NIPBL: variants seen among roughly 807,000 people sequenced by gnomAD.
The protein encoded by NIPBL is nipped-B-like protein.
NIPBL carries 19 observed loss-of-function variants against 321.8 expected under a neutral mutation model. That is an observed-to-expected ratio of 0.06 (90% confidence interval 0.04 to 0.09). The LOEUF (loss-of-function observed/expected upper bound fraction) is 0.09, where lower values mean the gene tolerates loss of function less well. NIPBL is among the 10% of genes least tolerant of loss of function. NIPBL has a pLI of 1.00. For synonymous variants in NIPBL, 1,106 were observed against 1,114.1 expected, an observed-to-expected ratio of 0.99 and a Z score of 0.14; for missense variants, 2,210 against 3,327.0, an observed-to-expected ratio of 0.66 and a Z score of 8.26.
At chr5:36,922,974 T>G (rs1017185894) in intron 1 of NIPBL, among the ~76,000 whole-genome samples, 4 of 150,916 alleles carry the variant, frequency 2.7e-5, no homozygotes, top group Non-Finnish European at 5.9e-5. Context: ...AGAAAAGATT[T>G]GTTGTAACTA....
At chr5:37,013,393 C>T (rs996644893) in intron 21 of NIPBL, among the ~76,000 whole-genome samples, 22 of 151,692 alleles carry the variant, frequency 1.5e-4, no homozygotes, top group Non-Finnish European at 2.4e-4. Context: ...TGGGCGGAGA[C>T]GCTCCTCACT....
rs528591545 is a variant in NIPBL at position 37,052,400 on chromosome 5, A to G, written c.7097A>G (p.Gln2366Arg). 8 of 1,614,132 alleles carry G rather than the reference A, an allele frequency of 5.0e-6. No homozygotes were observed. The East Asian group carries it at 1.1e-4, about 22-fold the overall frequency. Residue 2366 changes from glutamine to arginine, a missense_variant, in exon 42 of 47, where the codon CAG becomes CGG. Around this residue, in one of 14 missense-constraint regions of NIPBL, gnomAD observed 112 missense variants for 288.3 expected, o/e 0.39. Transcript: ENST00000282516. The part of the protein sequence containing the change: ...KAVAGMKMSY[Q>R]VQQAINTCLK... ...GTGGCTGGTATGAAGATGTCTTACC[A>G]GGTACAACAGGCAATCAACACATGC...
chr5:36,956,616 CTTTTTTT>C (rs34760816), intron 3 of NIPBL, among the ~76,000 whole-genome samples: 1 of 79,476 alleles, frequency 1.3e-5, no homozygotes, highest in African/African-American at 5.3e-5. Context: ...TAAATCACTT[CTTTTTTT>C]TTTTTTTTTT....
At chr5:37,043,678 A>G (rs781303373) in intron 34 of NIPBL, among the ~76,000 whole-genome samples, 1 of 152,222 alleles carries the variant, frequency 6.6e-6, no homozygotes, top group Non-Finnish European at 1.5e-5. Flanking sequence ...AACCTGGGCA[A>G]TTGAGCAAGA....
At chr5:36,968,112 C>CA (rs1248532097) in intron 6 of NIPBL, among the ~76,000 whole-genome samples, 3 of 102,540 alleles carry the variant, frequency 2.9e-5, no homozygotes, top group East Asian at 2.7e-4. Context: ...AAAAAAAAAA[C>CA]AAAAAACAAA....
At chr5:36,898,706 T>C (rs1414962427) in intron 1 of NIPBL, among the ~76,000 whole-genome samples, 5 of 152,100 alleles carry the variant, frequency 3.3e-5, no homozygotes. Context: ...AGATGGGGTT[T>C]CTCCATGTTG....
intron 1 of NIPBL, among the ~76,000 whole-genome samples, chr5:36,884,868 A>G (rs1745772330): frequency 1.3e-5 from 2 of 152,128 alleles, no homozygotes; most frequent in African/African-American, 2.4e-5. Flanking sequence ...ATATATCCCT[A>G]ACAATACATA....
chr5:36,994,793 C>G (rs564406550), intron 10 of NIPBL, among the ~76,000 whole-genome samples: 1 of 151,962 alleles, frequency 6.6e-6, no homozygotes. Flanking sequence ...TTCATAAGAA[C>G]TATTTGTGTA....
chr5:36,952,585 G>A (rs977781053), intron 1 of NIPBL, among the ~76,000 whole-genome samples: 4 of 152,134 alleles, frequency 2.6e-5, no homozygotes, highest in African/African-American at 7.2e-5. Context: ...AAATTTGGGG[G>A]CTTGGAACAG....
At chr5:36,885,180 T>C (rs1745797691) in intron 1 of NIPBL, 1 of 518,512 alleles carries the variant, frequency 1.9e-6, no homozygotes, top group Non-Finnish European at 3.9e-6. Context: ...CTGAGTCCTG[T>C]CCTCTCGCTC....
chr5:36,939,618 A>C (rs1244970814), intron 1 of NIPBL, among the ~76,000 whole-genome samples: 2 of 152,196 alleles, frequency 1.3e-5, no homozygotes, highest in Non-Finnish European at 2.9e-5. Context: ...ATAACAGAAT[A>C]TCTGAGACTG....
intron 30 of NIPBL, 117 bp from the exon 31 acceptor site, chr5:37,026,112 G>A (rs749217874): frequency 1.6e-6 from 1 of 637,660 alleles, no homozygotes; most frequent in South Asian, 1.8e-5. Context: ...GAAATTCCTG[G>A]CAGTTTGTGT....
intron 23 of NIPBL, 56 bp from the exon 24 acceptor site, chr5:37,016,963 C>A (rs1439754533): frequency 1.7e-6 from 2 of 1,145,370 alleles, no homozygotes; most frequent in Admixed American, 2.4e-5. Context: ...TGATAAATTG[C>A]TATTTAAAAT....
intron 11 of NIPBL, among the ~76,000 whole-genome samples, chr5:37,000,025 G>C (rs1746605836): frequency 6.6e-6 from 1 of 152,076 alleles, no homozygotes; most frequent in Non-Finnish European, 1.5e-5. Flanking sequence ...AATATAGTTT[G>C]TTTTACAGCC....
At chr5:37,013,381 G>C (rs1395771899) in intron 21 of NIPBL, among the ~76,000 whole-genome samples, 1 of 152,066 alleles carries the variant, frequency 6.6e-6, no homozygotes, top group Non-Finnish European at 1.5e-5. Flanking sequence ...CGAGGTGGCT[G>C]CTGGGCGGAG....
chr5:37,049,375 G>A (rs995273887), intron 40 of NIPBL, 74 bp downstream of exon 40: 1 of 1,478,400 alleles, frequency 6.8e-7, no homozygotes, highest in Non-Finnish European at 9.4e-7. Flanking sequence ...TGTGATTATA[G>A]AGAATAAGTA....
At chr5:36,877,585 G>T (rs1745187048) in intron 1 of NIPBL, among the ~76,000 whole-genome samples, 2 of 152,218 alleles carry the variant, frequency 1.3e-5, no homozygotes, top group African/African-American at 4.8e-5. Flanking sequence ...CAGCAAATGT[G>T]CCCTGATCGT....
intron 9 of NIPBL, among the ~76,000 whole-genome samples, chr5:36,977,373 A>G (rs1285036089): frequency 1.3e-5 from 2 of 151,996 alleles, no homozygotes; most frequent in African/African-American, 4.8e-5. Flanking sequence ...TGACAGGATC[A>G]TGACAAGATA....
chr5:36,885,484 C>G (rs556989955), intron 1 of NIPBL: 1 of 497,172 alleles, frequency 2.0e-6, no homozygotes, highest in African/African-American at 2.0e-5. Flanking sequence ...TGGCCTCCTA[C>G]CTGGACAGAG....
Sources: allele counts gnomAD v4.1 joint callset (sites outside exome capture counted in the v4.1 genomes callset), GRCh38; gene constraint gnomAD v4.1.1; regional missense constraint gnomAD v4.1.1; transcripts MANE v1.5; gene names NCBI Gene and HGNC (gene_info 2026-07-23, HGNC 2026-07-21).